SDK1: variants seen among roughly 807,000 people sequenced by gnomAD.
The protein encoded by SDK1 is protein sidekick-1.
In SDK1, 157 loss-of-function variants were observed where a neutral mutation model predicts 245.5. That is an observed-to-expected ratio of 0.64 (90% CI 0.56 to 0.73). The LOEUF (loss-of-function observed/expected upper bound fraction) is 0.73, where lower values mean the gene tolerates loss of function less well. SDK1 is among the 30% of genes least tolerant of loss of function. The pLI is 0.00. For synonymous variants in SDK1, 1,647 were observed against 1,278.5 expected, an observed-to-expected ratio of 1.29 and a Z score of -6.15; for missense variants, 3,583 against 3,002.3, an observed-to-expected ratio of 1.19 and a Z score of -4.52.
At chr7:4,130,121 G>A (rs375023429) in intron 27 of SDK1, 24 bp downstream of exon 27, 19 of 1,549,640 alleles carry the variant, frequency 1.2e-5, no homozygotes, top group African/African-American at 1.1e-4. Flanking sequence ...TCGCGCCTTC[G>A]GGAGCCTTGC....
At chr7:3,799,585 G>T (rs1779055195) in intron 4 of SDK1, among the ~76,000 whole-genome samples, 1 of 151,292 alleles carries the variant, frequency 6.6e-6, no homozygotes, top group Non-Finnish European at 1.5e-5. Context: ...GGCACCTGTA[G>T]TCCCAGCTAC....
intron 1 of SDK1, among the ~76,000 whole-genome samples, chr7:3,584,856 T>C (rs1365505032): frequency 6.6e-6 from 1 of 152,062 alleles, no homozygotes; most frequent in African/African-American, 2.4e-5. Context: ...CCCGAGTAGC[T>C]GGGACTACAG....
rs926894576 is a variant in SDK1 at position 3,729,873 on chromosome 7, CTG to C, written c.713+87769_713+87770del. On this transcript the variant is annotated intron_variant, in intron 4 of 44. Coordinates refer to ENST00000404826, the MANE Select transcript of SDK1 (RefSeq NM_152744.4). ...CTTTTGGCTAAGATCAAGTGAAGAACTGAGAAAATGTGTGATGATGCTAACAT... is the reference window on the plus strand; with the variant it reads ...CTTTTGGCTAAGATCAAGTGAAGAACAGAAAATGTGTGATGATGCTAACAT... Among the ~76,000 whole-genome samples the C allele has an allele frequency of 5.3e-5, 8 of 151,854 alleles. No individual in the cohort carries two copies. The South Asian group carries it at 6.3e-4, about 12-fold the overall frequency.
intron 1 of SDK1, among the ~76,000 whole-genome samples, chr7:3,536,231 T>C (rs1029361251): frequency 1.4e-5 from 2 of 139,662 alleles, no homozygotes; most frequent in Non-Finnish European, 3.1e-5. Flanking sequence ...TAATTTTTTT[T>C]TTGTGTGTGT....
intron 5 of SDK1, among the ~76,000 whole-genome samples, chr7:3,879,126 C>G (rs548487537): frequency 6.6e-6 from 1 of 152,198 alleles, no homozygotes; most frequent in South Asian, 2.1e-4. Flanking sequence ...CTGTAATATT[C>G]TGTGTGCGGT....
At position 3,790,934 on chromosome 7, in the gene SDK1, C is replaced by T. The variant is rs1781062717; in HGVS notation, c.714-30516C>T. 2.0e-5 allele frequency among the ~76,000 whole-genome samples: 3 copies of T among 152,154 alleles called. No individual in the cohort carries two copies. In the South Asian group the frequency reaches 6.2e-4, roughly 32 times the overall value. On this transcript the variant is annotated intron_variant, in intron 4 of 44. Transcript: ENST00000404826. Reference sequence around the variant, plus strand: ...GTGTAGAAATTAACTTGACAGTAATCAAAGAGGTAGCCACCCTGCTTGGTT... The same window carrying T: ...GTGTAGAAATTAACTTGACAGTAATTAAAGAGGTAGCCACCCTGCTTGGTT...
intron 5 of SDK1, among the ~76,000 whole-genome samples, chr7:3,903,847 A>T (rs1286752624): frequency 6.6e-6 from 1 of 152,018 alleles, no homozygotes; most frequent in Non-Finnish European, 1.5e-5. Flanking sequence ...CTCCCTTGGG[A>T]GTGAGTTCTT....
chr7:4,146,602 C>A lies in SDK1; in HGVS notation c.4423+686C>A, dbSNP rs554271784. 3.9e-5 allele frequency among the ~76,000 whole-genome samples: 6 copies of A among 152,364 alleles called. No homozygotes were observed. The East Asian group carries it at 1.2e-3, about 29-fold the overall frequency. ...CAGAGGCTGAGTACCTGGGGCAAGGCTGCAGAGTCACCACATTTGAGGTTG... is the reference window on the plus strand; with the variant it reads ...CAGAGGCTGAGTACCTGGGGCAAGGATGCAGAGTCACCACATTTGAGGTTG... On this transcript the variant is annotated intron_variant, in intron 29 of 44. Transcript: ENST00000404826.
chr7:3,338,180 T>G (rs1562423560), intron 1 of SDK1: 2 of 253,726 alleles, frequency 7.9e-6, no homozygotes, highest in Admixed American at 4.2e-5. Context: ...TCTAGGCCTT[T>G]TAGAAAACAT....
Position 3,969,283 on chromosome 7 carries a change from G to A in SDK1, c.1573G>A (p.Val525Ile), listed in dbSNP as rs1782304435. 6.2e-7 allele frequency: 1 copy of A among 1,608,398 alleles called. No individual in the cohort carries two copies. Among genetic ancestry groups the A allele is most frequent in the Non-Finnish European group, 8.5e-7 (1 of 1,177,510 alleles). Residue 525 changes from valine (V) to isoleucine (I), a missense_variant, in exon 11 of 45, where the codon GTC becomes ATC. Transcript: ENST00000404826. ...RENHILASGS[V>I]RIPRFMLLES... ...AAACCACATTCTGGCCAGTGGCTCT[G>A]TCCGGATTCCTAGGTTCATGCTTCT... is the stretch of plus-strand genomic sequence containing the variant.
intron 1 of SDK1, among the ~76,000 whole-genome samples, chr7:3,592,992 C>G (rs1780932369): frequency 6.6e-6 from 1 of 152,174 alleles, no homozygotes; most frequent in Admixed American, 6.5e-5. Flanking sequence ...GATTACCCAT[C>G]TGTGGAAACG....
intron 5 of SDK1, among the ~76,000 whole-genome samples, chr7:3,891,633 ACAT>A (rs1284911818): frequency 6.6e-6 from 1 of 152,160 alleles, no homozygotes; most frequent in East Asian, 1.9e-4. Flanking sequence ...TACACTGAGC[ACAT>A]CATGCTTCCA....
chr7:4,196,936 A>G (rs1783615060), intron 35 of SDK1, among the ~76,000 whole-genome samples: 2 of 152,250 alleles, frequency 1.3e-5, no homozygotes, highest in African/African-American at 4.8e-5. Context: ...GGCCATAGCT[A>G]GGAAAGTCAG....
intron 1 of SDK1, among the ~76,000 whole-genome samples, chr7:3,388,382 T>C (rs983567980): frequency 2.6e-5 from 4 of 151,406 alleles, no homozygotes; most frequent in Non-Finnish European, 5.9e-5. Context: ...GCTATGTGAT[T>C]GAAGATTAAA....
At chr7:3,577,831 C>G (rs183782990) in intron 1 of SDK1, among the ~76,000 whole-genome samples, 26 of 152,134 alleles carry the variant, frequency 1.7e-4, no homozygotes, top group Non-Finnish European at 8.8e-5. Context: ...GAAACTCTAA[C>G]TTCCTCATCT....
chr7:3,672,759 T>TATATATACATA (rs1554307103), intron 4 of SDK1, among the ~76,000 whole-genome samples: 1,071 of 50,442 alleles, frequency 0.021, 54 homozygotes, highest in East Asian at 0.07. Context: ...ATATATAATT[T>TATATATACATA]TATATATATA....
chr7:3,800,508 A>C (rs564312347), intron 4 of SDK1, among the ~76,000 whole-genome samples: 1 of 151,916 alleles, frequency 6.6e-6, no homozygotes, highest in Admixed American at 6.6e-5. Context: ...CAGCCTTCCA[A>C]GTAGCTTGGA....
intron 5 of SDK1, among the ~76,000 whole-genome samples, chr7:3,843,950 CCTA>C (rs1190906310): frequency 6.6e-6 from 1 of 152,108 alleles, no homozygotes; most frequent in African/African-American, 2.4e-5. Context: ...AAATTAATAT[CCTA>C]CTACAACTTT....
chr7:3,514,715 A>T (rs1285628275), intron 1 of SDK1, among the ~76,000 whole-genome samples: 1 of 152,190 alleles, frequency 6.6e-6, no homozygotes, highest in Non-Finnish European at 1.5e-5. Context: ...GCCAAGTAGT[A>T]CTTAGACCCC....
Sources: allele counts gnomAD v4.1 joint callset (sites outside exome capture counted in the v4.1 genomes callset), GRCh38; gene constraint gnomAD v4.1.1; transcripts MANE v1.5; gene names NCBI Gene and HGNC (gene_info 2026-07-23, HGNC 2026-07-21).